Variants in SUGCT observed in about 807,000 individuals in gnomAD.
SUGCT encodes succinyl-CoA:glutarate-CoA transferase.
Under a neutral mutation model 55.0 loss-of-function variants are expected in SUGCT, and 41 were observed. That is an observed-to-expected ratio of 0.74 (90% CI 0.58 to 0.97). SUGCT has a LOEUF of 0.97. Among genes scored for constraint, SUGCT ranks in the 50% least tolerant of loss-of-function variants. The pLI is 0.00. For missense variants in SUGCT, 568 were observed against 547.8 expected (o/e 1.04, Z -0.37); for synonymous variants, 187 against 200.4 (o/e 0.93, Z 0.56).
intron 1 of SUGCT, among the ~76,000 whole-genome samples, chr7:40,156,023 A>T (rs1465612784): frequency 6.6e-6 from 1 of 151,974 alleles, no homozygotes; most frequent in Non-Finnish European, 1.5e-5. Flanking sequence ...TGCCCGGCTA[A>T]TTTTTGTGTT....
the SUGCT span, among the ~76,000 whole-genome samples, chr7:41,026,813 C>T: frequency 6.6e-6 from 1 of 152,124 alleles, no homozygotes. Context: ...GCAGGTAGAT[C>T]ATGAGGTCAG....
chr7:40,376,799 A>G lies in SUGCT; in HGVS notation c.816+59944A>G, dbSNP rs77139661. 5.8e-3 allele frequency among the ~76,000 whole-genome samples: 876 copies of G among 150,144 alleles called. 58 individuals carry two copies. The East Asian group carries it at 0.14, about 24-fold the overall frequency. On this transcript the variant is annotated intron_variant, in intron 9 of 13. Transcript: ENST00000335693. ...TCTATTGAAGTTTCCTTCTGTTACC[A>G]TTTTCCTTCTGTATGAAAACTTCCA...
the SUGCT span, among the ~76,000 whole-genome samples, chr7:41,011,504 C>T: frequency 6.6e-6 from 1 of 152,222 alleles, no homozygotes; most frequent in Non-Finnish European, 1.5e-5. Flanking sequence ...CCCCCAACCT[C>T]TAGGGGAGCT....
chr7:40,276,168 C>T (rs995576695), intron 8 of SUGCT, among the ~76,000 whole-genome samples: 14 of 152,196 alleles, frequency 9.2e-5, no homozygotes, highest in Non-Finnish European at 1.9e-4. Context: ...AGCTTCGAGT[C>T]GTGGTCAGAA....
chr7:40,918,904 A>G, the SUGCT span, among the ~76,000 whole-genome samples: 2 of 152,212 alleles, frequency 1.3e-5, no homozygotes, highest in Non-Finnish European at 2.9e-5. Context: ...TCATTGTCAG[A>G]AGGATCTGGT....
chr7:40,445,612 A>G (rs1788784555), intron 9 of SUGCT, among the ~76,000 whole-genome samples: 1 of 152,162 alleles, frequency 6.6e-6, no homozygotes, highest in African/African-American at 2.4e-5. Flanking sequence ...ATTCCAAACA[A>G]TTGAAAAAGA....
At chr7:40,938,679 A>G in the SUGCT span, among the ~76,000 whole-genome samples, 5 of 152,118 alleles carry the variant, frequency 3.3e-5, no homozygotes, top group Admixed American at 6.6e-5. Flanking sequence ...CTAATACTGT[A>G]TCAGTCCATT....
intron 12 of SUGCT, among the ~76,000 whole-genome samples, chr7:40,722,276 C>T (rs1786381339): frequency 6.6e-6 from 1 of 152,164 alleles, no homozygotes; most frequent in African/African-American, 2.4e-5. Context: ...GCATACAGCT[C>T]TTCAATTTAA....
the SUGCT span, among the ~76,000 whole-genome samples, chr7:41,034,348 A>G: frequency 6.6e-6 from 1 of 152,194 alleles, no homozygotes; most frequent in East Asian, 1.9e-4. Flanking sequence ...AAAGTAAAAC[A>G]GATTGAGAAC....
the SUGCT span, among the ~76,000 whole-genome samples, chr7:40,939,416 G>C: frequency 6.6e-6 from 1 of 152,222 alleles, no homozygotes; most frequent in East Asian, 1.9e-4. Context: ...ACCTAGTAGT[G>C]GTATCACAGG....
the SUGCT span, among the ~76,000 whole-genome samples, chr7:40,869,172 G>A: frequency 6.6e-6 from 1 of 152,150 alleles, no homozygotes; most frequent in South Asian, 2.1e-4. Flanking sequence ...TTCTATGGAA[G>A]GAATTTGTAG....
intron 12 of SUGCT, among the ~76,000 whole-genome samples, chr7:40,697,139 T>C (rs1431429084): frequency 6.6e-6 from 1 of 152,184 alleles, no homozygotes; most frequent in African/African-American, 2.4e-5. Context: ...CATATACTTA[T>C]TCAAAATCTT....
intron 9 of SUGCT, among the ~76,000 whole-genome samples, chr7:40,369,502 A>G (rs995572209): frequency 6.6e-6 from 1 of 152,174 alleles, no homozygotes; most frequent in Admixed American, 6.6e-5. Flanking sequence ...CGCTTAAAAC[A>G]TATACATTTG....
intron 12 of SUGCT, among the ~76,000 whole-genome samples, chr7:40,558,125 A>G (rs1306004559): frequency 2.0e-5 from 3 of 152,126 alleles, no homozygotes; most frequent in Non-Finnish European, 4.4e-5. Context: ...GAAAATAAAA[A>G]GTTTTGATGT....
chr7:40,406,135 A>G (rs1214839139), intron 9 of SUGCT, among the ~76,000 whole-genome samples: 1 of 152,048 alleles, frequency 6.6e-6, no homozygotes, highest in Non-Finnish European at 1.5e-5. Flanking sequence ...TGGGGGATAA[A>G]ATCATAGGGA....
intron 8 of SUGCT, among the ~76,000 whole-genome samples, chr7:40,307,572 G>T (rs1222996180): frequency 6.6e-6 from 1 of 152,084 alleles, no homozygotes; most frequent in Non-Finnish European, 1.5e-5. Flanking sequence ...CTCTAAAATG[G>T]GGTCATCATA....
chr7:40,754,511 A>G (rs1788162869), intron 13 of SUGCT, among the ~76,000 whole-genome samples: 1 of 152,176 alleles, frequency 6.6e-6, no homozygotes, highest in Admixed American at 6.5e-5. Context: ...AGAAAACTGG[A>G]TAGGACCAGT....
chr7:40,281,515 A>G (rs1792949670), intron 8 of SUGCT, among the ~76,000 whole-genome samples: 1 of 152,216 alleles, frequency 6.6e-6, no homozygotes. Context: ...CATTCCTTCT[A>G]TACCTAATTT....
the SUGCT span, among the ~76,000 whole-genome samples, chr7:40,909,393 A>G: frequency 1.3e-5 from 2 of 152,148 alleles, no homozygotes; most frequent in Admixed American, 1.3e-4. Flanking sequence ...GCATGGCTAC[A>G]TGTCACCCCG....
Sources: allele counts gnomAD v4.1 joint callset (sites outside exome capture counted in the v4.1 genomes callset), GRCh38; gene constraint gnomAD v4.1.1; transcripts MANE v1.5; gene names NCBI Gene and HGNC (gene_info 2026-07-23, HGNC 2026-07-21).